The following INO80C variants were observed in gnomAD, a reference collection of about 807,000 sequenced individuals.
INO80C encodes IES6 homolog.
Under a neutral mutation model 17.7 loss-of-function variants are expected in INO80C, and 17 were observed. The observed-to-expected ratio is 0.96, with a 90% CI of 0.66 to 1.44. The LOEUF (loss-of-function observed/expected upper bound fraction) is 1.44, where lower values mean the gene tolerates loss of function less well. Ranked by LOEUF, INO80C falls within the 40% of genes most tolerant of loss-of-function variation. The pLI is 0.00. For missense variants in INO80C, 244 were observed against 245.0 expected (o/e 1.00, Z 0.03); for synonymous variants, 96 against 95.8 (o/e 1.00, Z -0.01).
chr18:35,480,181 T>C (rs2045789465), intron 2 of INO80C, among the ~76,000 whole-genome samples: 1 of 152,158 alleles, frequency 6.6e-6, no homozygotes, highest in Non-Finnish European at 1.5e-5. Context: ...AATGAAAAGG[T>C]TAGGGGAACA....
chr18:35,480,500 C>T lies in INO80C; in HGVS notation c.220G>A (p.Val74Met). Residue 74 changes from valine to methionine, a missense_variant, in exon 2 of 5, where the codon GTG (valine) becomes ATG (methionine). Transcript: ENST00000334598. Reference sequence around the variant, plus strand: ...GGCAAAGGTTTGGCAGCTTTTTCCACAGGTCCTGTGCTAAACTCAGAGGGC... The same window carrying T: ...GGCAAAGGTTTGGCAGCTTTTTCCATAGGTCCTGTGCTAAACTCAGAGGGC... ...MVPSEFSTGP[V>M]EKAAKPLPFK... The T allele has an allele frequency of 6.2e-7, 1 of 1,614,200 alleles. No homozygotes were observed. Among genetic ancestry groups the T allele is most frequent in the Non-Finnish European group, 8.5e-7 (1 of 1,179,990 alleles).
Position 35,468,394 on chromosome 18 carries a change from T to C in INO80C, c.*217A>G. The C allele has an allele frequency of 7.2e-7, 1 of 1,385,410 alleles. No homozygotes were observed. The highest frequency in any genetic ancestry group is 9.3e-7 in the Non-Finnish European group (1 of 1,069,558). 85.8% of individuals were successfully genotyped at this position (1,385,410 alleles called of 1,614,324 possible). On this transcript the variant is annotated 3_prime_UTR_variant, in exon 5 of 5. Coordinates refer to ENST00000334598, the MANE Select transcript of INO80C (RefSeq NM_194281.4). ...AAACACCTTTACTTGAGGCAACAAC[T>C]GAAGTATAATTTAATTCAGCAGGAA... is the stretch of plus-strand genomic sequence containing the variant.
At chr18:35,481,072 C>T (rs2045801681) in intron 1 of INO80C, among the ~76,000 whole-genome samples, 1 of 152,100 alleles carries the variant, frequency 6.6e-6, no homozygotes, top group Admixed American at 6.5e-5. Context: ...AACAAAGGTC[C>T]AGCCCCTTTA....
chr18:35,497,619 C>A (rs565859503), intron 1 of INO80C, 100 bp downstream of exon 1: 6 of 1,472,714 alleles, frequency 4.1e-6, no homozygotes, highest in Admixed American at 5.1e-5. Context: ...GGAGACCGCA[C>A]GCGCAGCGCC....
At chr18:35,481,511 C>T (rs374934099) in intron 1 of INO80C, among the ~76,000 whole-genome samples, 6 of 152,344 alleles carry the variant, frequency 3.9e-5, no homozygotes, top group African/African-American at 1.4e-4. Flanking sequence ...CACATTACTT[C>T]TGCCTGTTGG....
intron 1 of INO80C, chr18:35,487,407 C>A: frequency 2.5e-6 from 1 of 394,244 alleles, no homozygotes; most frequent in Non-Finnish European, 5.0e-6. Flanking sequence ...GCTGGGGAGG[C>A]CTCACAATCA....
chr18:35,473,966 T>TA (rs1402215741), intron 4 of INO80C, among the ~76,000 whole-genome samples: 2 of 151,762 alleles, frequency 1.3e-5, no homozygotes, highest in Non-Finnish European at 2.9e-5. Flanking sequence ...TAACAGAATC[T>TA]AGAGTTTTTA....
chr18:35,468,439 AAC>A lies in INO80C; in HGVS notation c.*170_*171del, dbSNP rs1477968963. ...CAGGAAATATCACACTTGGAGGGAA[AAC>A]ACACACTAAAAAAAAAAAAAACCCT... is the stretch of plus-strand genomic sequence containing the variant. On this transcript the variant is annotated 3_prime_UTR_variant, in exon 5 of 5. Transcript: ENST00000334598. 1 of 1,413,010 alleles carries A rather than the reference AAC, an allele frequency of 7.1e-7. No homozygotes were observed. The highest frequency in any genetic ancestry group is 1.7e-5 in the African/African-American group (1 of 58,280). The allele number at this position is 1,413,010 out of a possible 1,614,324, so 87.5% of individuals were successfully genotyped here. A position where few individuals can be genotyped will look rare whatever the true frequency, so the allele number is the denominator to read the frequency against.
At chr18:35,487,421 C>T (rs1386119476) in intron 1 of INO80C, 7 of 386,760 alleles carry the variant, frequency 1.8e-5, no homozygotes, top group East Asian at 1.0e-4. Context: ...ACAATCATGG[C>T]GGAAGGCAAG....
intron 3 of INO80C, 141 bp from the exon 4 acceptor site, chr18:35,478,490 T>A: frequency 1.5e-6 from 1 of 675,988 alleles, no homozygotes; most frequent in Non-Finnish European, 2.5e-6. Context: ...CTCTGGAGAT[T>A]AACTAGAGAA....
At chr18:35,470,295 G>A (rs1334594596) in intron 4 of INO80C, among the ~76,000 whole-genome samples, 1 of 152,190 alleles carries the variant, frequency 6.6e-6, no homozygotes, top group Non-Finnish European at 1.5e-5. Flanking sequence ...GTATTTAACT[G>A]CTGTGTGTTA....
chr18:35,488,935 G>A (rs1235444823), intron 1 of INO80C: 1 of 153,366 alleles, frequency 6.5e-6, no homozygotes, highest in African/African-American at 2.4e-5. Flanking sequence ...TACCTCTAGG[G>A]CAGGGGCAAA....
intron 1 of INO80C, among the ~76,000 whole-genome samples, chr18:35,481,623 C>G (rs1404801999): frequency 1.3e-5 from 2 of 152,176 alleles, no homozygotes; most frequent in Non-Finnish European, 2.9e-5. Context: ...GTGGCTCACA[C>G]CTGTAATCCT....
rs374851840 is a variant in INO80C, at chr18:35,497,712, T to C, written c.156+7A>G. On this transcript the variant is annotated splice_region_variant and intron_variant, in intron 1 of 4. Transcript: ENST00000334598. Reference sequence around the variant, plus strand: ...CGCACGCGCAGCCTGGGAGCGCGACTGCGTACCTGCGCAAAGCTGGAAGCG... The same window carrying C: ...CGCACGCGCAGCCTGGGAGCGCGACCGCGTACCTGCGCAAAGCTGGAAGCG... 2.5e-6 allele frequency: 4 copies of C among 1,610,446 alleles called. No individual in the cohort carries two copies. The highest frequency in any genetic ancestry group is 3.9e-4 in the Middle Eastern group (2 of 5,192).
intron 4 of INO80C, among the ~76,000 whole-genome samples, chr18:35,474,220 T>TATATATATATATATAC (rs1392922387): frequency 3.4e-5 from 4 of 117,614 alleles, no homozygotes; most frequent in Admixed American, 2.4e-4. Context: ...TATATATATA[T>TATATATATATATATAC]ATATATATAT....
chr18:35,494,420 A>G (rs1032548318), intron 1 of INO80C, among the ~76,000 whole-genome samples: 1 of 152,248 alleles, frequency 6.6e-6, no homozygotes, highest in Non-Finnish European at 1.5e-5. Context: ...GCCTAATCAC[A>G]TAAATCTTTT....
Position 35,468,527 on chromosome 18 carries a change from A to G in INO80C, c.*84T>C. Reference sequence around the variant, plus strand: ...ACTGGCATTTTCAGATTGACAGCAGAACGAGTTTGTTTCCGTGAAACAAAA... The same window carrying G: ...ACTGGCATTTTCAGATTGACAGCAGGACGAGTTTGTTTCCGTGAAACAAAA... On this transcript the variant is annotated 3_prime_UTR_variant, in exon 5 of 5. Coordinates refer to ENST00000334598, the MANE Select transcript of INO80C (RefSeq NM_194281.4). 6.3e-7 allele frequency: 1 copy of G among 1,595,804 alleles called. No homozygotes were observed. Among genetic ancestry groups the G allele is most frequent in the Non-Finnish European group, 8.6e-7 (1 of 1,168,584 alleles).
chr18:35,493,126 G>A (rs756248945), intron 1 of INO80C, among the ~76,000 whole-genome samples: 26 of 152,160 alleles, frequency 1.7e-4, no homozygotes, highest in Admixed American at 8.5e-4. Flanking sequence ...TGCTCTTGGC[G>A]TTTTTATCTG....
intron 1 of INO80C, among the ~76,000 whole-genome samples, chr18:35,481,105 C>T (rs868132914): frequency 5.9e-5 from 9 of 152,126 alleles, no homozygotes; most frequent in Admixed American, 5.2e-4. Context: ...GCCAGAGAAC[C>T]CAGACTGGAG....
Sources: allele counts gnomAD v4.1 joint callset (sites outside exome capture counted in the v4.1 genomes callset), GRCh38; gene constraint gnomAD v4.1.1; transcripts MANE v1.5; gene names NCBI Gene and HGNC (gene_info 2026-07-23, HGNC 2026-07-21).